Variants in CSGALNACT1 observed in about 807,000 individuals in gnomAD.
CSGALNACT1 encodes beta4GalNAcT-1.
CSGALNACT1 carries 52 observed loss-of-function variants against 51.0 expected under a neutral mutation model. The observed-to-expected ratio is 1.02, with a 90% confidence interval of 0.82 to 1.29. CSGALNACT1 has a LOEUF of 1.29. Ranked by LOEUF, CSGALNACT1 falls within the 50% of genes most tolerant of loss-of-function variation. CSGALNACT1 has a pLI of 0.00. For missense variants in CSGALNACT1, 935 were observed against 679.2 expected, an observed-to-expected ratio of 1.38 and a Z score of -4.19; for synonymous variants, 341 against 254.4, an observed-to-expected ratio of 1.34 and a Z score of -3.24.
intron 4 of CSGALNACT1, among the ~76,000 whole-genome samples, chr8:19,483,459 C>T (rs915416606): frequency 6.6e-6 from 1 of 152,236 alleles, no homozygotes; most frequent in Admixed American, 6.5e-5. Flanking sequence ...CTCTGCCCTG[C>T]CCTAGGGCTC....
chr8:19,482,826 A>C (rs577003195), intron 4 of CSGALNACT1, among the ~76,000 whole-genome samples: 2 of 152,088 alleles, frequency 1.3e-5, no homozygotes. Context: ...CTCCAAACCC[A>C]TATTCCAACT....
At chr8:19,493,130 G>C (rs2074739590) in intron 4 of CSGALNACT1, among the ~76,000 whole-genome samples, 1 of 151,078 alleles carries the variant, frequency 6.6e-6, no homozygotes. Flanking sequence ...AATGTCTATG[G>C]AAGAGCCCAA....
chr8:19,601,084 A>G (rs539412189), intron 2 of CSGALNACT1, among the ~76,000 whole-genome samples: 217 of 152,208 alleles, frequency 1.4e-3, no homozygotes, highest in Non-Finnish European at 2.4e-3. Flanking sequence ...TTTATTTTGT[A>G]TTTTTTAAGT....
chr8:19,617,411 G>A (rs530882892), intron 1 of CSGALNACT1, among the ~76,000 whole-genome samples: 4 of 152,218 alleles, frequency 2.6e-5, no homozygotes, highest in African/African-American at 9.6e-5. Flanking sequence ...CTAGTCTCAG[G>A]TATTCCTTTA....
At chr8:19,547,416 C>T (rs1414328857) in intron 3 of CSGALNACT1, among the ~76,000 whole-genome samples, 1 of 143,142 alleles carries the variant, frequency 7.0e-6, no homozygotes, top group East Asian at 2.1e-4. Flanking sequence ...GTGGGAGAGA[C>T]CCAGTGGGAG....
intron 3 of CSGALNACT1, among the ~76,000 whole-genome samples, chr8:19,568,711 T>C (rs963120365): frequency 4.6e-5 from 7 of 152,198 alleles, no homozygotes; most frequent in South Asian, 4.1e-4. Flanking sequence ...CAGAATGAAA[T>C]GGTCCAAACC....
intron 6 of CSGALNACT1, 136 bp downstream of exon 5, chr8:19,439,694 C>T (rs1221467691): frequency 1.4e-6 from 1 of 739,694 alleles, no homozygotes; most frequent in Non-Finnish European, 2.4e-6. Flanking sequence ...TTTCCCTGAA[C>T]ACAGCCAGCA....
intron 6 of CSGALNACT1, among the ~76,000 whole-genome samples, chr8:19,429,158 C>T (rs1221202221): frequency 6.6e-6 from 1 of 151,924 alleles, no homozygotes; most frequent in Non-Finnish European, 1.5e-5. Flanking sequence ...TGGGATTATA[C>T]ATTATCAACC....
intron 2 of CSGALNACT1, among the ~76,000 whole-genome samples, chr8:19,597,162 G>T (rs2049081616): frequency 6.6e-6 from 1 of 151,990 alleles, no homozygotes; most frequent in Non-Finnish European, 1.5e-5. Context: ...ATTTTAGTAG[G>T]TGTCAGAATT....
At chr8:19,438,822 A>T (rs2060819555) in intron 6 of CSGALNACT1, among the ~76,000 whole-genome samples, 1 of 152,230 alleles carries the variant, frequency 6.6e-6, no homozygotes, top group African/African-American at 2.4e-5. Context: ...TATAACTAGC[A>T]TTCAGATCTT....
At chr8:19,671,257 C>T (rs1429991093) in intron 1 of CSGALNACT1, among the ~76,000 whole-genome samples, 2 of 152,182 alleles carry the variant, frequency 1.3e-5, no homozygotes, top group Non-Finnish European at 2.9e-5. Context: ...TAAGATGGCC[C>T]TCGACAATAT....
At chr8:19,461,569 G>A (rs113190869) in intron 4 of CSGALNACT1, among the ~76,000 whole-genome samples, 964 of 39,606 alleles carry the variant, frequency 0.024, 9 homozygotes, top group African/African-American at 0.068. Flanking sequence ...TCCGCACAGC[G>A]GCCACATTCA....
chr8:19,439,948 A>G lies in CSGALNACT1; in HGVS notation c.852-17T>C. ...CACATCTCCCTGGAAAACAAAACAC[A>G]TGCATGTCTGGCACCTGTTTTCACA... On this transcript the variant is annotated splice_polypyrimidine_tract_variant and intron_variant, in intron 5 of 9. Transcript: ENST00000454498. The G allele has an allele frequency of 6.3e-7, 1 of 1,599,676 alleles. No homozygotes were observed. The highest frequency in any genetic ancestry group is 1.1e-5 in the South Asian group (1 of 90,776).
At chr8:19,713,361 T>A (rs779817285) in intron 1 of CSGALNACT1, among the ~76,000 whole-genome samples, 1 of 152,130 alleles carries the variant, frequency 6.6e-6, no homozygotes, top group East Asian at 1.9e-4. Context: ...AGAGAGTGAG[T>A]TGGATTTCCC....
intron 6 of CSGALNACT1, among the ~76,000 whole-genome samples, chr8:19,436,577 G>A (rs971029745): frequency 6.6e-6 from 1 of 152,170 alleles, no homozygotes; most frequent in Admixed American, 6.5e-5. Flanking sequence ...ATTTAAAAAT[G>A]TTTAAATAAA....
intron 1 of CSGALNACT1, among the ~76,000 whole-genome samples, chr8:19,656,106 C>G (rs1410930901): frequency 6.6e-6 from 1 of 152,182 alleles, no homozygotes; most frequent in Admixed American, 6.5e-5. Flanking sequence ...ACTCCATTCA[C>G]TTCAGTCATC....
At chr8:19,507,733 T>C (rs368717669) in intron 3 of CSGALNACT1, among the ~76,000 whole-genome samples, 192 of 152,306 alleles carry the variant, frequency 1.3e-3, no homozygotes, top group African/African-American at 4.4e-3. Context: ...GTTCAAGCGA[T>C]TCCCCTGCCT....
intron 5 of CSGALNACT1, among the ~76,000 whole-genome samples, chr8:19,443,260 G>A (rs1034353258): frequency 2.0e-5 from 3 of 152,178 alleles, no homozygotes; most frequent in African/African-American, 7.2e-5. Context: ...GTGTGTATGT[G>A]TAAATGTGAA....
chr8:19,613,152 G>A (rs1421139364), intron 1 of CSGALNACT1, among the ~76,000 whole-genome samples: 1 of 151,870 alleles, frequency 6.6e-6, no homozygotes. Context: ...AAATTTCAAG[G>A]TGTACCATGT....
Sources: allele counts gnomAD v4.1 joint callset (sites outside exome capture counted in the v4.1 genomes callset), GRCh38; gene constraint gnomAD v4.1.1; transcripts MANE v1.5; gene names NCBI Gene and HGNC (gene_info 2026-07-23, HGNC 2026-07-21).